Variants in IL7 observed in about 807,000 individuals in gnomAD.
IL7 encodes the protein interleukin 7, also known as interleukin-7.
Under a neutral mutation model 21.6 loss-of-function variants are expected in IL7, and 3 were observed. That is an observed-to-expected ratio of 0.14 (90% confidence interval 0.06 to 0.36). The LOEUF is 0.36. Ranked by LOEUF, IL7 falls within the 10% of genes least tolerant of loss-of-function variation. The pLI is 1.00. For synonymous variants in IL7, 62 were observed against 68.1 expected (o/e 0.91, Z 0.44); for missense variants, 175 against 200.2 (o/e 0.87, Z 0.76).
At chr8:78,723,124 A>G (rs1282816513) in intron 3 of IL7, among the ~76,000 whole-genome samples, 2 of 110,700 alleles carry the variant, frequency 1.8e-5, no homozygotes, top group Non-Finnish European at 4.0e-5. Flanking sequence ...TTTAGAAGCC[A>G]TCATCAAAGT....
intron 3 of IL7, among the ~76,000 whole-genome samples, chr8:78,705,538 A>G (rs959050541): frequency 2.6e-5 from 4 of 152,070 alleles, no homozygotes; most frequent in African/African-American, 9.7e-5. Flanking sequence ...GGGAGGCTCC[A>G]CCTGGTGATG....
intron 2 of IL7, among the ~76,000 whole-genome samples, chr8:78,779,135 G>T (rs1051519430): frequency 2.0e-5 from 3 of 152,184 alleles, no homozygotes; most frequent in African/African-American, 7.2e-5. Flanking sequence ...AGCTTAAGAA[G>T]CTTTTGGGCT....
intron 3 of IL7, among the ~76,000 whole-genome samples, chr8:78,691,240 C>T (rs1454962207): frequency 6.6e-6 from 1 of 151,940 alleles, no homozygotes; most frequent in African/African-American, 2.4e-5. Flanking sequence ...ACTTTTCTTA[C>T]ATTTCTCTTT....
chr8:78,739,489 C>G (rs1163383992), intron 3 of IL7, among the ~76,000 whole-genome samples: 1 of 151,952 alleles, frequency 6.6e-6, no homozygotes, highest in East Asian at 1.9e-4. Context: ...GTCAGGAGAT[C>G]GAGATCATCC....
chr8:78,789,123 G>T (rs1208747887), intron 2 of IL7, among the ~76,000 whole-genome samples: 1 of 152,034 alleles, frequency 6.6e-6, no homozygotes, highest in Non-Finnish European at 1.5e-5. Context: ...TTTAAAGTAG[G>T]TTTCTTTTAG....
intron 3 of IL7, among the ~76,000 whole-genome samples, chr8:78,687,912 A>ATAT (rs1563627243): frequency 8.7e-6 from 1 of 114,642 alleles, no homozygotes; most frequent in East Asian, 2.2e-4. Context: ...TATTTATATA[A>ATAT]ATATATAATT....
chr8:78,752,839 G>A (rs1248592736), intron 2 of IL7, among the ~76,000 whole-genome samples: 1 of 152,052 alleles, frequency 6.6e-6, no homozygotes, highest in African/African-American at 2.4e-5. Flanking sequence ...GTGAGAACGT[G>A]CGGTCTTTGG....
chr8:78,708,769 C>T (rs1810865696), intron 3 of IL7, among the ~76,000 whole-genome samples: 1 of 151,340 alleles, frequency 6.6e-6, no homozygotes. Flanking sequence ...TAACCTCCGC[C>T]TCCTGGATTC....
chr8:78,754,205 G>A (rs1812270551), intron 2 of IL7, among the ~76,000 whole-genome samples: 1 of 152,074 alleles, frequency 6.6e-6, no homozygotes, highest in Admixed American at 6.6e-5. Flanking sequence ...CAAAGTCTCA[G>A]GATACAAAAT....
At chr8:78,702,176 A>G (rs1341811171) in intron 3 of IL7, among the ~76,000 whole-genome samples, 4 of 152,104 alleles carry the variant, frequency 2.6e-5, no homozygotes, top group Admixed American at 6.5e-5. Flanking sequence ...CAGGGATTCA[A>G]TTTCTTCCTG....
intron 2 of IL7, chr8:78,762,426 C>T (rs1489868783): frequency 6.3e-7 from 1 of 1,594,120 alleles, no homozygotes; most frequent in Non-Finnish European, 8.5e-7. Context: ...CGCAGAAGTT[C>T]GGCATCGTCG....
At chr8:78,787,743 C>A (rs1220657092) in intron 2 of IL7, among the ~76,000 whole-genome samples, 1 of 152,160 alleles carries the variant, frequency 6.6e-6, no homozygotes, top group African/African-American at 2.4e-5. Flanking sequence ...ATTTCCACGG[C>A]CTCTCTTCAA....
chr8:78,773,367 A>G (rs558630016), intron 2 of IL7, among the ~76,000 whole-genome samples: 1 of 152,238 alleles, frequency 6.6e-6, no homozygotes, highest in Non-Finnish European at 1.5e-5. Flanking sequence ...CTTTTTTCTC[A>G]TCAATGTCAT....
chr8:78,707,782 C>A (rs1202690842), intron 3 of IL7, among the ~76,000 whole-genome samples: 1 of 151,870 alleles, frequency 6.6e-6, no homozygotes, highest in Non-Finnish European at 1.5e-5. Flanking sequence ...TTAACTGGAA[C>A]ATTGTGTTAC....
chr8:78,718,252 CCT>C (rs1041774532), intron 6 of IL7: 2 of 151,854 alleles, frequency 1.3e-5, no homozygotes, highest in Admixed American at 1.3e-4. Flanking sequence ...TTTCACTTTT[CCT>C]CTTTTTCCAT....
chr8:78,687,518 A>G lies in IL7; in HGVS notation n.215-1571T>C, dbSNP rs553620115. Among the ~76,000 whole-genome samples the G allele has an allele frequency of 1.3e-3, 184 of 144,200 alleles. 1 individual carries two copies. Among genetic ancestry groups the G allele is most frequent in the African/African-American group, 4.4e-3 (175 of 39,896 alleles). 94.6% of individuals were successfully genotyped at this position (144,200 alleles called of 152,430 possible). A position where few individuals can be genotyped will look rare whatever the true frequency, so the allele number is the denominator to read the frequency against. ...TTTATATAATAAATTATATATATTT[A>G]TATAATAAATTATATATTTATATAA... On this transcript the variant is annotated intron_variant and non_coding_transcript_variant, in intron 3 of 4. Coordinates refer to the IL7 transcript ENST00000523959.
At chr8:78,765,259 A>C (rs1812720216) in intron 2 of IL7, among the ~76,000 whole-genome samples, 1 of 152,114 alleles carries the variant, frequency 6.6e-6, no homozygotes, top group Non-Finnish European at 1.5e-5. Flanking sequence ...ATTCTTGATG[A>C]ACTTGGGCAT....
intron 1 of IL7, among the ~76,000 whole-genome samples, chr8:78,800,417 C>T (rs531963387): frequency 7.9e-5 from 12 of 152,158 alleles, no homozygotes; most frequent in East Asian, 7.7e-4. Context: ...CCTACCTCAG[C>T]GTTCTGAGTA....
chr8:78,749,096 A>G lies in IL7; in HGVS notation c.148-9014T>C, dbSNP rs539172074. 5.6e-4 allele frequency among the ~76,000 whole-genome samples: 86 copies of G among 152,268 alleles called. 2 individuals carry two copies. Among genetic ancestry groups the G allele is most frequent in the Admixed American group, 5.2e-3 (79 of 15,298 alleles). ...ATTTAACTGACTTTCTGGATGATCA[A>G]TAGTTTCTATTCCTTCTGTCAAAAC... On this transcript the variant is annotated intron_variant, in intron 2 of 5. Transcript: ENST00000263851.
Sources: allele counts gnomAD v4.1 joint callset (sites outside exome capture counted in the v4.1 genomes callset), GRCh38; gene constraint gnomAD v4.1.1; transcripts MANE v1.5; gene names NCBI Gene and HGNC (gene_info 2026-07-23, HGNC 2026-07-21).